The following BCL2L1 variants were observed in gnomAD, a reference collection of about 807,000 sequenced individuals.
BCL2L1 encodes the protein bcl-2-like protein 1.
In BCL2L1, 1 loss-of-function variant was observed where a neutral mutation model predicts 18.7. The observed-to-expected ratio is 0.05, with a 90% CI of 0.02 to 0.25. The LOEUF (loss-of-function observed/expected upper bound fraction) is 0.25. Ranked by LOEUF, BCL2L1 falls within the 10% of genes least tolerant of loss-of-function variation. The pLI, the probability that BCL2L1 is intolerant of heterozygous loss-of-function variation, is 1.00. For missense variants in BCL2L1, 207 were observed against 304.9 expected (o/e 0.68, Z 2.39); for synonymous variants, 103 against 122.7 (o/e 0.84, Z 1.06).
chr20:31,720,100 AGAACCCACCACCTTTACCTCCCCT>A (rs2061598371), intron 2 of BCL2L1: 1 of 985,312 alleles, frequency 1.0e-6, no homozygotes, highest in African/African-American at 1.7e-5. Flanking sequence ...CTAGCTCAAG[AGAACCCACCACCTTTACCTCCCCT>A]GACCCCACCC....
intron 2 of BCL2L1, among the ~76,000 whole-genome samples, chr20:31,705,469 ACT>A (rs1384991848): frequency 6.6e-6 from 1 of 152,018 alleles, no homozygotes; most frequent in Non-Finnish European, 1.5e-5. Flanking sequence ...TTCAAACTCA[ACT>A]CTGTCTGATT....
upstream of BCL2L1, chr20:31,723,369 G>A: frequency 4.1e-6 from 4 of 985,508 alleles, no homozygotes; most frequent in Non-Finnish European, 4.8e-6. Flanking sequence ...GAGGGGTCGA[G>A]GCCTGCTCGA....
intron 2 of BCL2L1, among the ~76,000 whole-genome samples, chr20:31,718,655 C>CAAA (rs969020819): frequency 1.5e-5 from 1 of 66,102 alleles, no homozygotes; most frequent in Non-Finnish European, 3.0e-5. Context: ...GACTCCGTCT[C>CAAA]AAAAAAAAAA....
At chr20:31,693,952 T>A (rs1048470047) in intron 2 of BCL2L1, among the ~76,000 whole-genome samples, 2 of 147,728 alleles carry the variant, frequency 1.4e-5, no homozygotes, top group South Asian at 2.1e-4. Context: ...TAAATTTCTT[T>A]AAAAAAAAAA....
rs550287650 is a variant in BCL2L1, at chr20:31,671,406, G to A, written c.565-5320C>T. ...GAATGGCCCCACACTACATACTCCT[G>A]AGTGCTTCAGGCCCTGGTGCCTTTG... is the stretch of plus-strand genomic sequence containing the variant. On this transcript the variant is annotated intron_variant, in intron 2 of 2. Transcript: ENST00000307677. Among the ~76,000 whole-genome samples the A allele has an allele frequency of 1.0e-3, 152 of 152,202 alleles. 1 individual carries two copies. The highest frequency in any genetic ancestry group is 3.5e-3 in the African/African-American group (146 of 41,512).
intron 2 of BCL2L1, among the ~76,000 whole-genome samples, chr20:31,684,027 T>C (rs371619954): frequency 2.4e-3 from 361 of 152,254 alleles, no homozygotes; most frequent in Non-Finnish European, 3.9e-3. Context: ...CTAAGTTACC[T>C]TGAAGATCCT....
chr20:31,722,037 T>C lies in BCL2L1; in HGVS notation c.182A>G (p.Asp61Gly), dbSNP rs753840929. 6.2e-7 allele frequency: 1 copy of C among 1,610,020 alleles called. No homozygotes were observed. Among genetic ancestry groups the C allele is most frequent in the Non-Finnish European group, 8.5e-7 (1 of 1,177,494 alleles). ...INGNPSWHLA[D>G]SPAVNGATGH... ...AGTGGCTCCATTCACCGCGGGGCTG[T>C]CTGCCAGGTGCCAGGATGGGTTGCC... Residue 61 changes from aspartate to glycine, a missense_variant, in exon 2 of 3, where the codon GAC becomes GGC. Transcript: ENST00000307677.
chr20:31,669,232 A>G (rs2060630762), intron 2 of BCL2L1, among the ~76,000 whole-genome samples: 1 of 150,758 alleles, frequency 6.6e-6, no homozygotes, highest in East Asian at 2.0e-4. Flanking sequence ...TAATATTTCT[A>G]AATTTTTTGT....
At chr20:31,708,238 G>T (rs1458492082) in intron 2 of BCL2L1, among the ~76,000 whole-genome samples, 1 of 152,186 alleles carries the variant, frequency 6.6e-6, no homozygotes, top group Non-Finnish European at 1.5e-5. Context: ...ACAGAAGGGG[G>T]CAAGGGCATG....
At chr20:31,708,067 C>T (rs1305341000) in intron 2 of BCL2L1, among the ~76,000 whole-genome samples, 1 of 152,142 alleles carries the variant, frequency 6.6e-6, no homozygotes, top group African/African-American at 2.4e-5. Context: ...AACCTCTTTC[C>T]ATCAGGTTTT....
intron 2 of BCL2L1, among the ~76,000 whole-genome samples, chr20:31,667,950 TCTCAA>T (rs990320929): frequency 1.3e-5 from 2 of 152,022 alleles, no homozygotes; most frequent in African/African-American, 4.8e-5. Flanking sequence ...CACTCCAAGT[TCTCAA>T]CCTTCCCAGG....
chr20:31,689,122 A>C (rs1184056175), intron 2 of BCL2L1, among the ~76,000 whole-genome samples: 1 of 149,358 alleles, frequency 6.7e-6, no homozygotes, highest in Non-Finnish European at 1.5e-5. Context: ...TCATGCCTGT[A>C]ATCTCAGCAC....
intron 2 of BCL2L1, among the ~76,000 whole-genome samples, chr20:31,666,988 T>C (rs570907358): frequency 9.2e-5 from 14 of 152,316 alleles, no homozygotes; most frequent in African/African-American, 3.1e-4. Context: ...GTAAGCGTAG[T>C]ACCCAATTTG....
chr20:31,679,950 G>A (rs911779477), intron 2 of BCL2L1, among the ~76,000 whole-genome samples: 2 of 152,100 alleles, frequency 1.3e-5, no homozygotes, highest in African/African-American at 4.8e-5. Context: ...CAAAGTGCTG[G>A]GATTATAGGC....
chr20:31,719,261 A>C (rs2061586154), intron 2 of BCL2L1, among the ~76,000 whole-genome samples: 1 of 152,182 alleles, frequency 6.6e-6, no homozygotes, highest in East Asian at 1.9e-4. Context: ...ACAGGTACTC[A>C]ATAAAGACTA....
Position 31,687,013 on chromosome 20 carries a change from G to A in BCL2L1, c.565-20927C>T, listed in dbSNP as rs551860744. Among the ~76,000 whole-genome samples the A allele has an allele frequency of 3.9e-5, 6 of 152,236 alleles. No homozygotes were observed. In the South Asian group the frequency reaches 1.0e-3, roughly 26 times the overall value. On this transcript the variant is annotated intron_variant, in intron 2 of 2. Transcript: ENST00000307677. ...AACATGTTTCCCAAGAAGGATTATT[G>A]TGAAGATTAAAAATACTACACTGGC...
chr20:31,681,568 G>A (rs2060862525), intron 2 of BCL2L1, among the ~76,000 whole-genome samples: 1 of 152,212 alleles, frequency 6.6e-6, no homozygotes. Flanking sequence ...TGGAGCCCAG[G>A]AGGCTGAGGC....
chr20:31,685,141 G>A (rs1174906176), intron 2 of BCL2L1, among the ~76,000 whole-genome samples: 1 of 152,140 alleles, frequency 6.6e-6, no homozygotes, highest in African/African-American at 2.4e-5. Context: ...GGTGGCTCAC[G>A]CCTGTAATCC....
At chr20:31,667,022 T>A (rs899581283) in intron 2 of BCL2L1, among the ~76,000 whole-genome samples, 4 of 152,186 alleles carry the variant, frequency 2.6e-5, no homozygotes, top group Non-Finnish European at 5.9e-5. Flanking sequence ...CCAACAATTC[T>A]GCAATGCAGG....
Sources: allele counts gnomAD v4.1 joint callset (sites outside exome capture counted in the v4.1 genomes callset), GRCh38; gene constraint gnomAD v4.1.1; transcripts MANE v1.5; gene names NCBI Gene and HGNC (gene_info 2026-07-23, HGNC 2026-07-21).